Variants in CPXM2 observed in about 807,000 individuals in gnomAD.
CPXM2 encodes the protein carboxypeptidase X, M14 family member 2, also known as inactive carboxypeptidase-like protein X2.
Under a neutral mutation model 86.1 loss-of-function variants are expected in CPXM2, and 66 were observed. The observed-to-expected ratio is 0.77, with a 90% CI of 0.63 to 0.94. The LOEUF (loss-of-function observed/expected upper bound fraction) is 0.94, where lower values mean the gene tolerates loss of function less well. Among genes scored for constraint, CPXM2 ranks in the 40% least tolerant of loss-of-function variants. The pLI is 0.00. For synonymous variants in CPXM2, 388 were observed against 400.2 expected, an observed-to-expected ratio of 0.97 and a Z score of 0.36; for missense variants, 948 against 1,026.3, an observed-to-expected ratio of 0.92 and a Z score of 1.04.
chr10:123,794,187 C>T (rs994080267), intron 6 of CPXM2, among the ~76,000 whole-genome samples: 23 of 152,194 alleles, frequency 1.5e-4, no homozygotes, highest in African/African-American at 4.1e-4. Context: ...GTGCCCATCA[C>T]TAGGTTCTGT....
At chr10:123,811,950 A>G (rs2134094079) in intron 4 of CPXM2, among the ~76,000 whole-genome samples, 1 of 152,332 alleles carries the variant, frequency 6.6e-6, no homozygotes, top group East Asian at 1.9e-4. Context: ...TGTTGGTAAA[A>G]ATGTTTCACA....
At chr10:123,882,283 T>C (rs1449556351) in intron 1 of CPXM2, among the ~76,000 whole-genome samples, 1 of 152,166 alleles carries the variant, frequency 6.6e-6, no homozygotes, top group Non-Finnish European at 1.5e-5. Flanking sequence ...GCCAATTAAC[T>C]GAAACTTCTG....
intron 3 of CPXM2, among the ~76,000 whole-genome samples, chr10:123,857,564 G>A (rs1848754439): frequency 7.1e-6 from 1 of 140,290 alleles, no homozygotes; most frequent in African/African-American, 2.5e-5. Context: ...GCGTGGAGAT[G>A]GAAGGCGGCG....
intron 4 of CPXM2, among the ~76,000 whole-genome samples, chr10:123,801,868 A>G (rs1212327085): frequency 6.6e-6 from 1 of 152,140 alleles, no homozygotes; most frequent in Admixed American, 6.5e-5. Context: ...TCTGCCTTTA[A>G]ATTATTCAGA....
intron 13 of CPXM2, 94 bp from the exon 14 acceptor site, chr10:123,747,111 G>T: frequency 6.9e-7 from 1 of 1,450,106 alleles, no homozygotes. Context: ...GGGCCAGAGA[G>T]AGACTCTCAG....
chr10:123,757,482 A>T, intron 11 of CPXM2, 130 bp from the exon 12 acceptor site: 1 of 776,634 alleles, frequency 1.3e-6, no homozygotes, highest in Non-Finnish European at 2.1e-6. Context: ...GATATGAAGT[A>T]TCTACTATAG....
chr10:123,766,584 A>G (rs1426430621), intron 10 of CPXM2, among the ~76,000 whole-genome samples: 1 of 152,232 alleles, frequency 6.6e-6, no homozygotes, highest in East Asian at 1.9e-4. Context: ...CACCACATGT[A>G]GTAAACCCAA....
At chr10:123,828,335 T>G (rs984030714) in intron 4 of CPXM2, among the ~76,000 whole-genome samples, 3 of 152,206 alleles carry the variant, frequency 2.0e-5, no homozygotes, top group African/African-American at 7.2e-5. Context: ...ATAAACCAAC[T>G]GATATGGTTT....
chr10:123,761,045 T>C (rs1239484788), intron 11 of CPXM2, among the ~76,000 whole-genome samples: 1 of 152,188 alleles, frequency 6.6e-6, no homozygotes, highest in Non-Finnish European at 1.5e-5. Context: ...GACGTCCTCA[T>C]CCCTCCTGGC....
intron 2 of CPXM2, among the ~76,000 whole-genome samples, chr10:123,903,727 A>G (rs1262531368): frequency 6.6e-6 from 1 of 152,240 alleles, no homozygotes; most frequent in Non-Finnish European, 1.5e-5. Flanking sequence ...TGCAGAGAGC[A>G]TTCCCCAGTT....
chr10:123,747,179 C>G (rs1845987275), intron 13 of CPXM2, among the ~76,000 whole-genome samples, 162 bp from the exon 14 acceptor site: 2 of 152,170 alleles, frequency 1.3e-5, no homozygotes, highest in Admixed American at 1.3e-4. Context: ...ATTTTGGAAG[C>G]CCAGATGTTT....
intron 11 of CPXM2, 119 bp downstream of exon 11, chr10:123,761,753 C>T: frequency 1.0e-6 from 1 of 970,984 alleles, no homozygotes; most frequent in East Asian, 2.6e-5. Context: ...CTAAGTGCTC[C>T]ACCGTGGCAG....
intron 11 of CPXM2, among the ~76,000 whole-genome samples, chr10:123,759,634 G>A (rs534735620): frequency 3.2e-4 from 49 of 152,320 alleles, no homozygotes; most frequent in African/African-American, 1.0e-3. Context: ...ACAAGCCTTC[G>A]GCCCTAGCTG....
At chr10:123,939,539 T>C (rs1052799046) in intron 1 of CPXM2, 4 of 152,090 alleles carry the variant, frequency 2.6e-5, no homozygotes, top group Non-Finnish European at 5.9e-5. Flanking sequence ...ATCCTTAAAA[T>C]AGGAGGAGAG....
Position 123,767,402 on chromosome 10 carries a change from G to A in CPXM2, c.1300-250C>T, listed in dbSNP as rs186588082. Among the ~76,000 whole-genome samples, 4 of 152,290 alleles carry A rather than the reference G, an allele frequency of 2.6e-5. No homozygotes were observed. In the East Asian group the frequency reaches 7.7e-4, roughly 29 times the overall value. On this transcript the variant is annotated intron_variant, in intron 9 of 13. Coordinates refer to ENST00000241305, the MANE Select transcript of CPXM2 (RefSeq NM_198148.3). The stretch of plus-strand genomic sequence containing the variant: ...AGAACCACCCCTGCCACATGGAAGT[G>A]CTTAAAAAGCATTAGGTTCCTTCTT...
intron 4 of CPXM2, among the ~76,000 whole-genome samples, chr10:123,824,441 CA>C (rs1328148689): frequency 6.6e-6 from 1 of 152,152 alleles, no homozygotes; most frequent in Non-Finnish European, 1.5e-5. Context: ...GAAGCTAACA[CA>C]GCATAAAAGA....
Position 123,891,796 on chromosome 10 carries a change from G to A in CPXM2, c.-137C>T. 2 of 441,710 alleles carry A rather than the reference G, an allele frequency of 4.5e-6. No individual in the cohort carries two copies. The highest frequency in any genetic ancestry group is 6.5e-6 in the Non-Finnish European group (2 of 306,960). The allele number at this position is 441,710 out of a possible 1,614,324, so 27.4% of individuals were successfully genotyped here. Reference sequence around the variant, plus strand: ...GCTTGGGCGCGGGAGGCGGCCGGCTGGCTGCGCGTGTGACCGGCCCGCGGG... The same window carrying A: ...GCTTGGGCGCGGGAGGCGGCCGGCTAGCTGCGCGTGTGACCGGCCCGCGGG... On this transcript the variant is annotated 5_prime_UTR_variant, in exon 1 of 14. Coordinates refer to ENST00000241305, the MANE Select transcript of CPXM2 (RefSeq NM_198148.3). This position sits in a 1 kb window ranked among gnomAD's most constrained non-coding sequence, Gnocchi z 5.6.
At chr10:123,781,438 C>T (rs1469185714) in intron 6 of CPXM2, among the ~76,000 whole-genome samples, 2 of 152,168 alleles carry the variant, frequency 1.3e-5, no homozygotes, top group African/African-American at 4.8e-5. Flanking sequence ...CCTCGAGGTC[C>T]CCCAGCCAGC....
chr10:123,935,014 G>A (rs996486592), intron 2 of CPXM2, among the ~76,000 whole-genome samples: 9 of 152,028 alleles, frequency 5.9e-5, no homozygotes, highest in Admixed American at 6.6e-5. Context: ...TGTTCTTCTC[G>A]GCCACATTCT....
Sources: allele counts gnomAD v4.1 joint callset (sites outside exome capture counted in the v4.1 genomes callset), GRCh38; gene constraint gnomAD v4.1.1; non-coding constraint Gnocchi (gnomAD v3.1); transcripts MANE v1.5; gene names NCBI Gene and HGNC (gene_info 2026-07-23, HGNC 2026-07-21).